The following CLVS1 variants were observed in gnomAD, a reference collection of about 807,000 sequenced individuals.
CLVS1 encodes the protein clavesin 1.
A neutral mutation model predicts 33.1 loss-of-function variants in CLVS1; 10 were observed. The observed-to-expected ratio is 0.30, with a 90% CI of 0.19 to 0.51. The LOEUF is 0.51. Ranked by LOEUF, CLVS1 falls within the 20% of genes least tolerant of loss-of-function variation. The probability of loss-of-function intolerance (pLI) is 0.97; values close to 1 mark genes in which losing one functional copy is unlikely to be tolerated. For synonymous variants in CLVS1, 163 were observed against 166.1 expected, an observed-to-expected ratio of 0.98 and a Z score of 0.14; for missense variants, 343 against 433.4, an observed-to-expected ratio of 0.79 and a Z score of 1.85.
At chr8:61,443,438 T>G (rs1321698766) in intron 3 of CLVS1, among the ~76,000 whole-genome samples, 1 of 145,662 alleles carries the variant, frequency 6.9e-6, no homozygotes, top group East Asian at 1.9e-4. Context: ...AAGTCAGGTA[T>G]TTTTTTGTTT....
the CLVS1 span, among the ~76,000 whole-genome samples, chr8:60,984,423 T>A: frequency 6.6e-6 from 1 of 151,556 alleles, no homozygotes; most frequent in East Asian, 1.9e-4. Context: ...CAGGTTCAAG[T>A]GATTCTCCAG....
chr8:61,489,363 T>C (rs150097275), intron 5 of CLVS1, among the ~76,000 whole-genome samples: 1 of 152,352 alleles, frequency 6.6e-6, no homozygotes, highest in African/African-American at 2.4e-5. Flanking sequence ...TGCTTAAGAA[T>C]GTGGACTGTA....
intron 2 of CLVS1, among the ~76,000 whole-genome samples, chr8:61,149,232 G>A (rs1333565016): frequency 1.3e-5 from 2 of 152,100 alleles, no homozygotes; most frequent in African/African-American, 4.8e-5. Context: ...GAGAGGAGAG[G>A]AAGAAGAAAG....
rs543783088 is a variant in CLVS1 at position 61,068,823 on chromosome 8, G to T, written c.-243+11593G>T. 3.9e-5 allele frequency among the ~76,000 whole-genome samples: 6 copies of T among 152,232 alleles called. No individual in the cohort carries two copies. The East Asian group carries it at 7.7e-4, about 20-fold the overall frequency. On this transcript the variant is annotated intron_variant, in intron 1 of 2. Transcript: ENST00000522621. The stretch of plus-strand genomic sequence containing the variant: ...GCTCCCCACACACACACCTCCCGGG[G>T]TCTCTCGAATTGTTCCTTCTCTTCC...
At chr8:61,356,260 T>G (rs1812701549) in intron 2 of CLVS1, among the ~76,000 whole-genome samples, 1 of 152,202 alleles carries the variant, frequency 6.6e-6, no homozygotes, top group Non-Finnish European at 1.5e-5. Context: ...TTGATGGGGT[T>G]GTTTGTTTTT....
the CLVS1 span, among the ~76,000 whole-genome samples, chr8:61,031,832 CA>C: frequency 6.6e-6 from 1 of 151,196 alleles, no homozygotes; most frequent in African/African-American, 2.4e-5. Flanking sequence ...CAAGAAAACA[CA>C]AATTGGCATA....
At chr8:61,076,166 C>G (rs989687768) in intron 1 of CLVS1, among the ~76,000 whole-genome samples, 1 of 152,018 alleles carries the variant, frequency 6.6e-6, no homozygotes, top group Non-Finnish European at 1.5e-5. Context: ...TATTCTTTCT[C>G]TCTCCCTCCC....
chr8:61,184,815 G>C (rs377766641), intron 2 of CLVS1, among the ~76,000 whole-genome samples: 1 of 152,108 alleles, frequency 6.6e-6, no homozygotes, highest in African/African-American at 2.4e-5. Context: ...GATCCCTAGA[G>C]GAGTAAGGAA....
At chr8:61,336,669 C>T (rs1282262146) in intron 2 of CLVS1, among the ~76,000 whole-genome samples, 1 of 151,996 alleles carries the variant, frequency 6.6e-6, no homozygotes, top group Non-Finnish European at 1.5e-5. Context: ...ACAACAATAA[C>T]AATAATAATC....
intron 2 of CLVS1, among the ~76,000 whole-genome samples, chr8:61,238,058 A>G (rs1253688987): frequency 6.6e-6 from 1 of 152,204 alleles, no homozygotes; most frequent in Non-Finnish European, 1.5e-5. Flanking sequence ...CCTAATTTGT[A>G]GAGTTCCTCC....
At position 61,078,426 on chromosome 8, in the gene CLVS1, G is replaced by T. The variant is rs368099098; in HGVS notation, c.-243+21196G>T. Reference sequence around the variant, plus strand: ...AATCCAGGGTGGGAGGGCAGGCATGGTGACATTTCAATGTCTTGGTCAGAA... The same window carrying T: ...AATCCAGGGTGGGAGGGCAGGCATGTTGACATTTCAATGTCTTGGTCAGAA... On this transcript the variant is annotated intron_variant, in intron 1 of 2. Transcript: ENST00000522621. Among the ~76,000 whole-genome samples, 49 of 152,328 alleles carry T rather than the reference G, an allele frequency of 3.2e-4. No individual in the cohort carries two copies. In the South Asian group the frequency reaches 9.7e-3, roughly 30 times the overall value.
intron 2 of CLVS1, among the ~76,000 whole-genome samples, chr8:61,304,624 A>T (rs1450817067): frequency 6.6e-6 from 1 of 152,188 alleles, no homozygotes; most frequent in Non-Finnish European, 1.5e-5. Context: ...TCGTATCAGC[A>T]TTGGCAATAA....
At chr8:61,300,795 GA>G (rs1170365970) in intron 2 of CLVS1, 1 of 152,482 alleles carries the variant, frequency 6.6e-6, no homozygotes, top group African/African-American at 2.4e-5. Context: ...ATCCCAAACT[GA>G]AAGCATCATC....
At chr8:61,422,534 T>C (rs576104992) in intron 3 of CLVS1, among the ~76,000 whole-genome samples, 1 of 152,330 alleles carries the variant, frequency 6.6e-6, no homozygotes, top group East Asian at 1.9e-4. Flanking sequence ...CCTATTAGTC[T>C]CCATCATTTT....
the CLVS1 span, among the ~76,000 whole-genome samples, chr8:61,017,740 G>T: frequency 6.6e-6 from 1 of 152,202 alleles, no homozygotes; most frequent in Non-Finnish European, 1.5e-5. Flanking sequence ...AGCATGCACT[G>T]GCTGTGAGAG....
chr8:61,113,809 T>A (rs1197023520), intron 1 of CLVS1, among the ~76,000 whole-genome samples: 2 of 152,194 alleles, frequency 1.3e-5, no homozygotes, highest in African/African-American at 4.8e-5. Flanking sequence ...ATTAATATTT[T>A]TTTGTAGAGA....
the CLVS1 span, among the ~76,000 whole-genome samples, chr8:60,980,656 A>G: frequency 2.0e-5 from 3 of 152,156 alleles, no homozygotes; most frequent in African/African-American, 7.2e-5. Context: ...ATGGTGGCAC[A>G]TGCCTGTAAT....
chr8:61,085,870 A>C (rs967087108), intron 1 of CLVS1, among the ~76,000 whole-genome samples: 2 of 151,674 alleles, frequency 1.3e-5, no homozygotes, highest in Non-Finnish European at 2.9e-5. Context: ...AAAAATACAA[A>C]AAAATTAGCC....
intron 1 of CLVS1, among the ~76,000 whole-genome samples, chr8:61,105,465 A>G (rs1336474402): frequency 1.3e-5 from 2 of 152,180 alleles, no homozygotes; most frequent in South Asian, 2.1e-4. Flanking sequence ...CACTCTGCCT[A>G]CTTAAAACCC....
Sources: allele counts gnomAD v4.1 joint callset (sites outside exome capture counted in the v4.1 genomes callset), GRCh38; gene constraint gnomAD v4.1.1; transcripts MANE v1.5; gene names NCBI Gene and HGNC (gene_info 2026-07-23, HGNC 2026-07-21).